The following PRELID2 variants were observed in gnomAD, a reference collection of about 807,000 sequenced individuals.
PRELID2 encodes the protein PRELI domain-containing protein 2.
A neutral mutation model predicts 28.4 loss-of-function variants in PRELID2; 25 were observed. The ratio of observed to expected loss-of-function variants is 0.88; its 90% CI spans 0.64 to 1.23. PRELID2 has a LOEUF of 1.23. PRELID2 is among the 50% of genes most tolerant of loss of function. The probability of loss-of-function intolerance (pLI) is 0.00; values close to 1 mark genes in which losing one functional copy is unlikely to be tolerated. For missense variants in PRELID2, 201 were observed against 214.4 expected (o/e 0.94, Z 0.39); for synonymous variants, 76 against 71.6 (o/e 1.06, Z -0.31).
intron 1 of PRELID2, among the ~76,000 whole-genome samples, chr5:145,653,729 C>T (rs1235919154): frequency 3.3e-5 from 5 of 152,194 alleles, no homozygotes; most frequent in African/African-American, 1.2e-4. Flanking sequence ...ATACCAGAAT[C>T]TCTGGGACAC....
chr5:145,424,761 A>C, the PRELID2 span, among the ~76,000 whole-genome samples: 1 of 152,154 alleles, frequency 6.6e-6, no homozygotes, highest in African/African-American at 2.4e-5. Context: ...CCATATACAA[A>C]AATTAACTCC....
intron 1 of PRELID2, among the ~76,000 whole-genome samples, chr5:145,567,676 C>A (rs1424812193): frequency 1.3e-5 from 2 of 152,134 alleles, no homozygotes; most frequent in East Asian, 3.9e-4. Flanking sequence ...CCAAGCCCAG[C>A]TGATCTGATG....
the PRELID2 span, among the ~76,000 whole-genome samples, chr5:145,428,248 C>T: frequency 2.6e-5 from 4 of 152,098 alleles, no homozygotes; most frequent in Non-Finnish European, 4.4e-5. Context: ...CCTGAGTCAC[C>T]GTGCCCGGCC....
the PRELID2 span, among the ~76,000 whole-genome samples, chr5:145,314,007 C>G: frequency 1.3e-5 from 2 of 152,148 alleles, no homozygotes; most frequent in African/African-American, 2.4e-5. Context: ...TTTTAATACC[C>G]TAGCCATATG....
At chr5:145,490,940 C>T (rs1232694487) in intron 1 of PRELID2, among the ~76,000 whole-genome samples, 1 of 151,472 alleles carries the variant, frequency 6.6e-6, no homozygotes, top group Admixed American at 6.6e-5. Context: ...ATTCATTCCC[C>T]TTACTTGCCT....
In PRELID2 at chr5:145,790,721, G is replaced by GTGTGTGTGTGTGTATATA. The variant is rs772901344; in HGVS notation, c.474+5720_474+5721insTATATACACACACACACA. 8.0e-3 allele frequency among the ~76,000 whole-genome samples: 882 copies of GTGTGTGTGTGTGTATATA among 110,884 alleles called. 13 individuals are homozygous for GTGTGTGTGTGTGTATATA. Among genetic ancestry groups the GTGTGTGTGTGTGTATATA allele is most frequent in the Non-Finnish European group, 0.011 (607 of 53,242 alleles). The allele number at this position is 110,884 out of a possible 152,430, so 72.7% of individuals were successfully genotyped here. A position where few individuals can be genotyped will look rare whatever the true frequency, so the allele number is the denominator to read the frequency against. On this transcript the variant is annotated intron_variant, in intron 5 of 6. Transcript: ENST00000683046. ...CCACATTGTGTGTGTGTGTGTGTGT[G>GTGTGTGTGTGTGTATATA]TATATATATATATATATATATATAT...
chr5:145,508,593 A>T (rs1157303276), intron 1 of PRELID2, among the ~76,000 whole-genome samples: 10 of 152,078 alleles, frequency 6.6e-5, no homozygotes, highest in Non-Finnish European at 7.4e-5. Context: ...AAGAAAGAAA[A>T]CATTGTGTCT....
intron 1 of PRELID2, among the ~76,000 whole-genome samples, chr5:145,599,065 A>G (rs1753351268): frequency 6.6e-6 from 1 of 152,118 alleles, no homozygotes; most frequent in Admixed American, 6.6e-5. Flanking sequence ...ATGGACCCCA[A>G]TAGTTGTGGG....
chr5:145,324,514 T>C, the PRELID2 span, among the ~76,000 whole-genome samples: 3 of 152,204 alleles, frequency 2.0e-5, no homozygotes, highest in African/African-American at 7.2e-5. Flanking sequence ...AAAACTTATT[T>C]GTGAATATCA....
At chr5:145,372,798 T>G in the PRELID2 span, among the ~76,000 whole-genome samples, 1 of 148,802 alleles carries the variant, frequency 6.7e-6, no homozygotes, top group Non-Finnish European at 1.5e-5. Context: ...GACTCTTAAT[T>G]TGCCAGTCTG....
intron 1 of PRELID2, among the ~76,000 whole-genome samples, chr5:145,573,227 A>C (rs1039334709): frequency 3.3e-5 from 5 of 151,998 alleles, no homozygotes; most frequent in African/African-American, 9.7e-5. Flanking sequence ...CATTCTAGCA[A>C]CCTCAGTACT....
chr5:145,693,106 A>G (rs1204301264), intron 1 of PRELID2, among the ~76,000 whole-genome samples: 1 of 151,636 alleles, frequency 6.6e-6, no homozygotes, highest in Non-Finnish European at 1.5e-5. Context: ...TAAATTACCT[A>G]CTTTTGTTGA....
At chr5:145,306,567 T>C in the PRELID2 span, among the ~76,000 whole-genome samples, 1 of 152,078 alleles carries the variant, frequency 6.6e-6, no homozygotes, top group Non-Finnish European at 1.5e-5. Flanking sequence ...TCTGTTACAT[T>C]TATTTTAAAT....
At chr5:145,340,172 C>T in the PRELID2 span, among the ~76,000 whole-genome samples, 3 of 152,150 alleles carry the variant, frequency 2.0e-5, no homozygotes, top group Non-Finnish European at 2.9e-5. Context: ...ACCCATGAGC[C>T]TAAAAATTAC....
the PRELID2 span, among the ~76,000 whole-genome samples, chr5:145,333,259 T>C: frequency 6.6e-6 from 1 of 152,198 alleles, no homozygotes; most frequent in East Asian, 1.9e-4. Context: ...AGGGACCCAC[T>C]TGAGGAGGCA....
At chr5:145,260,967 G>A in the PRELID2 span, among the ~76,000 whole-genome samples, 453 of 152,276 alleles carry the variant, frequency 3.0e-3, 3 homozygotes, top group African/African-American at 0.011. Context: ...TGGTGCTATT[G>A]AGTGGGGGCA....
At chr5:145,822,570 T>G (rs1194898852) in intron 2 of PRELID2, among the ~76,000 whole-genome samples, 1 of 152,220 alleles carries the variant, frequency 6.6e-6, no homozygotes, top group Admixed American at 6.5e-5. Flanking sequence ...GCCATCACTT[T>G]ATAGTCATAT....
the PRELID2 span, among the ~76,000 whole-genome samples, chr5:145,246,272 G>A: frequency 1.3e-5 from 2 of 152,032 alleles, no homozygotes; most frequent in African/African-American, 2.4e-5. Context: ...GAAGCGTGGG[G>A]TTTAGAGGAA....
chr5:145,298,152 G>A, the PRELID2 span, among the ~76,000 whole-genome samples: 4 of 152,066 alleles, frequency 2.6e-5, no homozygotes, highest in East Asian at 3.9e-4. Context: ...AAAAGAGCCC[G>A]CATCGCCCAG....
Sources: allele counts gnomAD v4.1 joint callset (sites outside exome capture counted in the v4.1 genomes callset), GRCh38; gene constraint gnomAD v4.1.1; transcripts MANE v1.5; gene names NCBI Gene and HGNC (gene_info 2026-07-23, HGNC 2026-07-21).